Variants in GALC observed in about 807,000 individuals in gnomAD.
GALC encodes the protein galactosylceramidase, also known as galactocerebrosidase.
Under a neutral mutation model 91.8 loss-of-function variants are expected in GALC, and 77 were observed. The ratio of observed to expected loss-of-function variants is 0.84; its 90% CI spans 0.70 to 1.01. The LOEUF (loss-of-function observed/expected upper bound fraction) is 1.01, where lower values mean the gene tolerates loss of function less well. Ranked by LOEUF, GALC falls within the 50% of genes least tolerant of loss-of-function variation. The pLI is 0.00. For synonymous variants in GALC, 357 were observed against 306.7 expected (o/e 1.16, Z -1.71); for missense variants, 882 against 855.9 (o/e 1.03, Z -0.38).
chr14:87,980,561 T>C, intron 6 of GALC: 1 of 841,662 alleles, frequency 1.2e-6, no homozygotes, highest in Non-Finnish European at 1.4e-6. Flanking sequence ...AAGTGGAGAG[T>C]TCCTATCCAT....
chr14:87,982,489 T>C (rs1886792138), intron 5 of GALC, among the ~76,000 whole-genome samples: 1 of 152,178 alleles, frequency 6.6e-6, no homozygotes, highest in Non-Finnish European at 1.5e-5. Flanking sequence ...AGTAATTTAT[T>C]CCAAAGATTT....
At chr14:87,968,518 G>T (rs1293584317) in intron 7 of GALC, 28 bp from the exon 8 acceptor site, 2 of 1,611,302 alleles carry the variant, frequency 1.2e-6, no homozygotes, top group African/African-American at 2.7e-5. Context: ...GGAAGTCAAT[G>T]AAAAAAGGTC....
intron 6 of GALC, among the ~76,000 whole-genome samples, chr14:87,978,003 A>G (rs1389285788): frequency 6.6e-6 from 1 of 152,144 alleles, no homozygotes; most frequent in Admixed American, 6.5e-5. Flanking sequence ...TAGGATTGAG[A>G]ACCCCTATCC....
At chr14:87,992,642 T>C in intron 1 of GALC, 1 of 1,443,942 alleles carries the variant, frequency 6.9e-7, no homozygotes, top group Non-Finnish European at 9.0e-7. Context: ...GAAGACAGCC[T>C]GTGCCCCACT....
At chr14:87,949,788 C>A in intron 12 of GALC, 57 bp downstream of exon 12, 1 of 829,002 alleles carries the variant, frequency 1.2e-6, no homozygotes, top group South Asian at 1.4e-5. Flanking sequence ...ATTTCTGTGC[C>A]CTTTTACTGT....
intron 14 of GALC, 79 bp downstream of exon 14, chr14:87,945,474 A>C: frequency 9.3e-7 from 1 of 1,073,212 alleles, no homozygotes; most frequent in South Asian, 1.3e-5. Flanking sequence ...GGACCATTGA[A>C]AACTCTTCAC....
rs199585731 is a variant in GALC at position 87,949,882 on chromosome 14, G to A, written c.1301C>T (p.Ser434Phe). 1.3e-6 allele frequency: 2 copies of A among 1,599,498 alleles called. No individual in the cohort carries two copies. Among genetic ancestry groups the A allele is most frequent in the Admixed American group, 1.7e-5 (1 of 59,834 alleles). The change falls in exon 12 of 17, where the codon TCC becomes TTC. Residue 434 changes from serine (S) to phenylalanine (F), a missense_variant. Coordinates refer to ENST00000261304, the MANE Select transcript of GALC (RefSeq NM_000153.4). Reference protein sequence around the residue: ...QVWYTKLGKTSERFLFKQLDS... With the variant: ...QVWYTKLGKTFERFLFKQLDS... ...CAGCTGCTTAAAAAGAAATCTTTCG[G>A]ATGTTTTTCCAAGTTTGGTATACCA...
intron 4 of GALC, among the ~76,000 whole-genome samples, chr14:87,985,258 T>G (rs1886921180): frequency 6.6e-6 from 1 of 152,148 alleles, no homozygotes; most frequent in South Asian, 2.1e-4. Flanking sequence ...TCCTCAGCAA[T>G]AAATATATTA....
chr14:87,953,471 T>C (rs1284920390), intron 10 of GALC: 1 of 1,578,598 alleles, frequency 6.3e-7, no homozygotes, highest in East Asian at 2.2e-5. Flanking sequence ...CACATTCACA[T>C]AAACTCTGAC....
chr14:87,936,326 A>G (rs10138271), intron 16 of GALC, among the ~76,000 whole-genome samples: 70,548 of 151,818 alleles, frequency 0.46, 17,930 homozygotes, highest in East Asian at 0.76. Context: ...TTATTATCTC[A>G]GGATAGGGCT....
intron 10 of GALC, among the ~76,000 whole-genome samples, chr14:87,955,707 G>A (rs757678000): frequency 4.6e-5 from 7 of 152,068 alleles, no homozygotes; most frequent in Non-Finnish European, 5.9e-5. Context: ...CATTGAAAAC[G>A]AAGGAAATGA....
Position 87,959,312 on chromosome 14 carries a change from C to A in GALC, c.1161+4072G>T, listed in dbSNP as rs566674421. 3.1e-4 allele frequency among the ~76,000 whole-genome samples: 47 copies of A among 152,082 alleles called. 1 individual carries two copies. The South Asian group carries it at 9.3e-3, about 30-fold the overall frequency. On this transcript the variant is annotated intron_variant, in intron 10 of 16. Coordinates refer to ENST00000261304, the MANE Select transcript of GALC (RefSeq NM_000153.4). ...CTTAGAATGGCTATTACCAAAAAAACAAAAGAAAACAAGTGTTGGTGAGGA... is the reference window on the plus strand; with the variant it reads ...CTTAGAATGGCTATTACCAAAAAAAAAAAAGAAAACAAGTGTTGGTGAGGA...
chr14:87,941,331 G>GGTTATTTGTGCTCAAAGTAACA, intron 15 of GALC, 64 bp downstream of exon 15: 1 of 1,016,404 alleles, frequency 9.8e-7, no homozygotes, highest in Admixed American at 2.0e-5. Flanking sequence ...CAAATAACAA[G>GGTTATTTGTGCTCAAAGTAACA]TAGGTGCTCA....
In GALC at chr14:87,988,723, TA is replaced by T. The variant is rs112118889; in HGVS notation, c.196-201del. Among the ~76,000 whole-genome samples the T allele has an allele frequency of 0.11, 17,190 of 152,184 alleles. 1,140 individuals carry two copies. The highest frequency in any genetic ancestry group is 0.16 in the Non-Finnish European group (10,616 of 67,984). On this transcript the variant is annotated intron_variant, in intron 1 of 16. Transcript: ENST00000261304. ...GTAGGGCTGCTGTCTGTCCGACAGC[TA>T]AAAAAGTTCTCTTCTTCTGGCATGA...
chr14:87,993,232 G>A (rs369469562), upstream of GALC: 603 of 1,546,010 alleles, frequency 3.9e-4, 3 homozygotes, highest in South Asian at 6.7e-3. Flanking sequence ...GATACGGGCA[G>A]GAGGCCGCTG....
Position 87,963,413 on chromosome 14 carries a change from C to CA in GALC, c.1131_1132insT (p.Gly378TrpfsTer8), listed in dbSNP as rs1885893203. 1 of 1,613,294 alleles carries CA rather than the reference C, an allele frequency of 6.2e-7. No homozygotes were observed. Among genetic ancestry groups the CA allele is most frequent in the African/African-American group, 1.3e-5 (1 of 74,876 alleles). ...GTTTCAATGATGATGGTGAGGTTCC[C>CA]TAAGCCATCAGTCAGAGCTACGTAG... On this transcript the variant is annotated frameshift_variant, in exon 10 of 17. Transcript: ENST00000261304. LOFTEE classifies it high-confidence loss of function.
At chr14:87,936,237 A>C (rs1884560842) in intron 16 of GALC, among the ~76,000 whole-genome samples, 2 of 152,036 alleles carry the variant, frequency 1.3e-5, no homozygotes, top group African/African-American at 4.8e-5. Flanking sequence ...CTCCCTGGTT[A>C]GAGAATCAGG....
chr14:87,993,022 G>A lies in GALC; in HGVS notation c.143C>T (p.Ser48Phe). 3 of 1,548,518 alleles carry A rather than the reference G, an allele frequency of 1.9e-6. No homozygotes were observed. Among genetic ancestry groups the A allele is most frequent in the Non-Finnish European group, 2.6e-6 (3 of 1,152,650 alleles). The change falls in exon 1 of 17, where the codon TCC becomes TTC. Residue 48 changes from serine to phenylalanine, a missense_variant. Physicochemically the swap from Ser to Phe is radical, Grantham distance 155. Transcript: ENST00000261304. ...APGGAYVLDD[S>F]DGLGREFDGI... ...GTCGAACTCCCGGCCCAGCCCGTCGGAGTCGTCGAGCACGTACGCGCCGCC... is the reference window on the plus strand; with the variant it reads ...GTCGAACTCCCGGCCCAGCCCGTCGAAGTCGTCGAGCACGTACGCGCCGCC...
At chr14:87,969,181 T>C (rs905395290) in intron 7 of GALC, among the ~76,000 whole-genome samples, 3 of 152,182 alleles carry the variant, frequency 2.0e-5, no homozygotes, top group African/African-American at 4.8e-5. Flanking sequence ...GCACTATCTG[T>C]AGACATTTTT....
Sources: gnomAD v4.1 joint callset for allele counts (sites outside exome capture counted in the v4.1 genomes callset) on GRCh38, gnomAD v4.1.1 for gene constraint, MANE v1.5 for transcripts, NCBI Gene and HGNC (gene_info 2026-07-23, HGNC 2026-07-21) for gene names.